The following FAM185A variants were observed in gnomAD, a reference collection of about 807,000 sequenced individuals.
The protein encoded by FAM185A is protein FAM185A.
Under a neutral mutation model 45.7 loss-of-function variants are expected in FAM185A, and 21 were observed. The observed-to-expected ratio is 0.46, with a 90% CI of 0.33 to 0.66. FAM185A has a LOEUF of 0.66. Ranked by LOEUF, FAM185A falls within the 30% of genes least tolerant of loss-of-function variation. The probability of loss-of-function intolerance (pLI) is 0.03; values close to 1 mark genes in which losing one functional copy is unlikely to be tolerated. For missense variants in FAM185A, 305 were observed against 485.4 expected, an observed-to-expected ratio of 0.63 and a Z score of 3.49; for synonymous variants, 117 against 194.0, an observed-to-expected ratio of 0.60 and a Z score of 3.30.
In FAM185A at chr7:102,772,445, C is replaced by CA; in HGVS notation, c.831dup (p.Val278SerfsTer13). ...TTACAAAGCAAGATGGGTAACATCA[C>CA]AGTAGGTATGTGCTAAGCTACTAGT... On this transcript the variant is annotated frameshift_variant, in exon 5 of 8. Coordinates refer to ENST00000413034, the MANE Select transcript of FAM185A (RefSeq NM_001145268.2). LOFTEE classifies it high-confidence loss of function. 1 of 1,544,608 alleles carries CA rather than the reference C, an allele frequency of 6.5e-7. No homozygotes were observed. Among genetic ancestry groups the CA allele is most frequent in the Non-Finnish European group, 8.7e-7 (1 of 1,144,222 alleles).
chr7:102,807,139 G>A (rs1311073992), intron 7 of FAM185A, among the ~76,000 whole-genome samples: 1 of 151,810 alleles, frequency 6.6e-6, no homozygotes, highest in Admixed American at 6.6e-5. Flanking sequence ...TTTAGAAAGA[G>A]CAACTAATCC....
At chr7:102,817,062 T>C in the FAM185A span, among the ~76,000 whole-genome samples, 1 of 152,348 alleles carries the variant, frequency 6.6e-6, no homozygotes, top group African/African-American at 2.4e-5. Flanking sequence ...GATGCTGCAA[T>C]AAACATACAA....
At chr7:102,822,465 G>A in the FAM185A span, 1 of 596,918 alleles carries the variant, frequency 1.7e-6, no homozygotes, top group African/African-American at 1.8e-5. Flanking sequence ...GAGAGAGAGA[G>A]AGCTCTAGTC....
intron 6 of FAM185A, among the ~76,000 whole-genome samples, chr7:102,781,868 G>A (rs1219049454): frequency 6.6e-6 from 1 of 152,002 alleles, no homozygotes; most frequent in African/African-American, 2.4e-5. Context: ...AGCTAAAGGA[G>A]GAAGTTTGAA....
At chr7:102,814,120 TA>T (rs967815683), downstream of FAM185A, among the ~76,000 whole-genome samples, 1 of 152,088 alleles carries the variant, frequency 6.6e-6, no homozygotes, top group African/African-American at 2.4e-5. Flanking sequence ...AACAAGAAAG[TA>T]AAGAATGCAT....
chr7:102,793,365 C>T (rs2129442891), intron 7 of FAM185A, among the ~76,000 whole-genome samples: 1 of 152,264 alleles, frequency 6.6e-6, no homozygotes, highest in South Asian at 2.1e-4. Context: ...GCGCCCGCCA[C>T]CATGCCCGGC....
At chr7:102,793,154 G>A (rs1479549170) in intron 7 of FAM185A, among the ~76,000 whole-genome samples, 1 of 152,162 alleles carries the variant, frequency 6.6e-6, no homozygotes, top group Non-Finnish European at 1.5e-5. Context: ...TACTTTGACA[G>A]GGAGTTAATG....
chr7:102,790,275 C>G (rs1010944538), intron 7 of FAM185A, among the ~76,000 whole-genome samples: 1 of 152,134 alleles, frequency 6.6e-6, no homozygotes, highest in African/African-American at 2.4e-5. Context: ...TAGTGCGTTG[C>G]ATTTAAACAA....
chr7:102,804,412 A>T (rs1323899811), intron 7 of FAM185A, among the ~76,000 whole-genome samples: 1 of 152,240 alleles, frequency 6.6e-6, no homozygotes, highest in Non-Finnish European at 1.5e-5. Flanking sequence ...CGAGAAAGCA[A>T]ACAAAAACAT....
intron 7 of FAM185A, among the ~76,000 whole-genome samples, chr7:102,807,527 T>A (rs1392718340): frequency 6.6e-6 from 1 of 151,880 alleles, no homozygotes; most frequent in Non-Finnish European, 1.5e-5. Context: ...GCTCAACTAG[T>A]ATGTCTTCTC....
At chr7:102,800,172 T>G (rs1013008113) in intron 7 of FAM185A, among the ~76,000 whole-genome samples, 18 of 152,072 alleles carry the variant, frequency 1.2e-4, no homozygotes, top group Non-Finnish European at 2.5e-4. Flanking sequence ...AGCTCGGCTC[T>G]CAGGAAGCCA....
intron 7 of FAM185A, among the ~76,000 whole-genome samples, chr7:102,806,344 T>G (rs893144783): frequency 1.4e-4 from 21 of 151,858 alleles, no homozygotes; most frequent in African/African-American, 4.1e-4. Flanking sequence ...GGCACCACAC[T>G]TGGCTAATTT....
the FAM185A span, among the ~76,000 whole-genome samples, chr7:102,838,860 G>A: frequency 1.3e-5 from 2 of 152,204 alleles, no homozygotes; most frequent in Non-Finnish European, 2.9e-5. Flanking sequence ...TTCTCCCCAT[G>A]TGATAGTCTG....
intron 7 of FAM185A, among the ~76,000 whole-genome samples, chr7:102,794,772 T>C (rs895173815): frequency 6.6e-6 from 1 of 152,270 alleles, no homozygotes; most frequent in African/African-American, 2.4e-5. Context: ...TATCCTTCCA[T>C]GACTGAATGT....
chr7:102,814,557 G>C, the FAM185A span: 3 of 152,190 alleles, frequency 2.0e-5, no homozygotes, highest in African/African-American at 7.2e-5. Context: ...ACTTAACAGG[G>C]AGGTAACCAA....
intron 6 of FAM185A, among the ~76,000 whole-genome samples, chr7:102,780,889 G>A (rs1253865417): frequency 6.6e-6 from 1 of 152,184 alleles, no homozygotes; most frequent in East Asian, 1.9e-4. Context: ...AGCGCAAGGG[G>A]TCAGGGAATA....
At chr7:102,843,770 C>T in the FAM185A span, among the ~76,000 whole-genome samples, 26 of 151,902 alleles carry the variant, frequency 1.7e-4, no homozygotes, top group African/African-American at 5.6e-4. Flanking sequence ...AGCGAGACTC[C>T]GTCTTAATAA....
the FAM185A span, chr7:102,826,962 A>G: frequency 3.3e-6 from 1 of 303,896 alleles, no homozygotes; most frequent in South Asian, 2.6e-5. Context: ...ATTTTCATTT[A>G]TTTGTGAGAA....
intron 4 of FAM185A, among the ~76,000 whole-genome samples, chr7:102,768,353 C>G (rs1160233930): frequency 6.8e-6 from 1 of 147,752 alleles, no homozygotes; most frequent in Non-Finnish European, 1.5e-5. Flanking sequence ...CTTTTCCTAG[C>G]TTTTTAAAAA....
Sources: gnomAD v4.1 joint callset for allele counts (sites outside exome capture counted in the v4.1 genomes callset) on GRCh38, gnomAD v4.1.1 for gene constraint, MANE v1.5 for transcripts, NCBI Gene and HGNC (gene_info 2026-07-23, HGNC 2026-07-21) for gene names.